The following PTPN11 variants were observed in gnomAD, a reference collection of about 807,000 sequenced individuals.
PTPN11 encodes the protein tyrosine-protein phosphatase non-receptor type 11.
PTPN11 carries 6 observed loss-of-function variants against 78.8 expected under a neutral mutation model. The ratio of observed to expected loss-of-function variants is 0.08; its 90% CI spans 0.04 to 0.15. PTPN11 has a LOEUF of 0.15. Ranked by LOEUF, PTPN11 falls within the 10% of genes least tolerant of loss-of-function variation. The pLI, the probability that PTPN11 is intolerant of heterozygous loss-of-function variation, is 1.00. For missense variants in PTPN11, 386 were observed against 744.8 expected (o/e 0.52, Z 5.61); for synonymous variants, 221 against 263.5 (o/e 0.84, Z 1.56).
At chr12:112,431,263 G>A (rs537354231) in intron 1 of PTPN11, among the ~76,000 whole-genome samples, 1 of 152,334 alleles carries the variant, frequency 6.6e-6, no homozygotes, top group Middle Eastern at 3.4e-3. Flanking sequence ...AGATACGGTG[G>A]TGAAGAAATA....
chr12:112,419,167 C>A, intron 1 of PTPN11, 42 bp downstream of exon 1: 1 of 1,482,930 alleles, frequency 6.7e-7, no homozygotes. Context: ...TCGGCCCGGC[C>A]ACCGCCGCGT....
At chr12:112,454,308 TG>T (rs2038121267) in intron 4 of PTPN11, among the ~76,000 whole-genome samples, 1 of 152,024 alleles carries the variant, frequency 6.6e-6, no homozygotes, top group African/African-American at 2.4e-5. Flanking sequence ...TTAGTGGATA[TG>T]GGGTTTTACC....
intron 6 of PTPN11, among the ~76,000 whole-genome samples, chr12:112,467,089 A>G (rs1314229751): frequency 6.6e-6 from 1 of 152,106 alleles, no homozygotes; most frequent in South Asian, 2.1e-4. Context: ...TTCAGTGGCC[A>G]TAAATGTAAG....
rs2038955238 is a variant in PTPN11, at chr12:112,507,963, G to T, written c.*2171G>T. On this transcript the variant is annotated 3_prime_UTR_variant, in exon 16 of 16. Transcript: ENST00000351677. ...AAAAGATTCCAGTTCAGTATTTGCA[G>T]CAAGAAGCTTGAATGCTGTTCTTTT... The T allele has an allele frequency of 6.6e-6, 1 of 152,648 alleles. No homozygotes were observed. The highest frequency in any genetic ancestry group is 2.4e-5 in the African/African-American group (1 of 41,452). 9.5% of individuals were successfully genotyped at this position (152,648 alleles called of 1,614,324 possible). A position where few individuals can be genotyped will look rare whatever the true frequency, so the allele number is the denominator to read the frequency against.
Position 112,508,322 on chromosome 12 carries a change from G to A in PTPN11, c.*2530G>A, listed in dbSNP as rs2038961143. On this transcript the variant is annotated 3_prime_UTR_variant, in exon 16 of 16. Coordinates refer to ENST00000351677, the MANE Select transcript of PTPN11 (RefSeq NM_002834.5). ...ACGGCTTATCATGTGCTTGGTAAAA[G>A]GTGATCGCAGGTTCTCAGACGAGTT... The A allele has an allele frequency of 6.6e-6, 1 of 152,396 alleles. No individual in the cohort carries two copies. The highest frequency in any genetic ancestry group is 2.4e-5 in the African/African-American group (1 of 41,432). The allele number at this position is 152,396 out of a possible 1,614,324, so 9.4% of individuals were successfully genotyped here. A position where few individuals can be genotyped will look rare whatever the true frequency, so the allele number is the denominator to read the frequency against.
At chr12:112,456,165 C>T in intron 6 of PTPN11, 102 bp downstream of exon 6, 1 of 788,654 alleles carries the variant, frequency 1.3e-6, no homozygotes, top group Non-Finnish European at 2.2e-6. Flanking sequence ...AGACTTGAAA[C>T]TGACGTCCTT....
chr12:112,443,602 C>T (rs1213963618), intron 1 of PTPN11, among the ~76,000 whole-genome samples: 2 of 151,898 alleles, frequency 1.3e-5, no homozygotes, highest in East Asian at 3.9e-4. Context: ...GATCCGCCCG[C>T]CTTGGCCTCC....
chr12:112,446,535 G>T, intron 2 of PTPN11, 137 bp downstream of exon 2: 1 of 1,242,320 alleles, frequency 8.0e-7, no homozygotes, highest in Non-Finnish European at 1.2e-6. Context: ...CAGGGTTTGG[G>T]GAGTGGCCTC....
At chr12:112,425,091 T>G (rs2037595792) in intron 1 of PTPN11, among the ~76,000 whole-genome samples, 1 of 150,898 alleles carries the variant, frequency 6.6e-6, no homozygotes, top group Non-Finnish European at 1.5e-5. Context: ...TGAGCTCAGG[T>G]GATCCACCCG....
chr12:112,487,011 A>G, intron 11 of PTPN11: 1 of 851,454 alleles, frequency 1.2e-6, no homozygotes, highest in Non-Finnish European at 1.5e-6. Flanking sequence ...GTGTGGTGGA[A>G]ATAGGCCTGA....
intron 1 of PTPN11, among the ~76,000 whole-genome samples, chr12:112,425,021 G>T (rs897721691): frequency 1.4e-5 from 2 of 147,700 alleles, no homozygotes; most frequent in African/African-American, 5.0e-5. Context: ...TGTAGAGATG[G>T]GGTTTTGCCA....
At chr12:112,461,242 C>A (rs891032903) in intron 6 of PTPN11, among the ~76,000 whole-genome samples, 1 of 151,800 alleles carries the variant, frequency 6.6e-6, no homozygotes, top group African/African-American at 2.4e-5. Context: ...TTTTATCATT[C>A]TTCTTCATTT....
intron 13 of PTPN11, 56 bp downstream of exon 13, chr12:112,489,231 T>TA (rs1466474612): frequency 1.3e-6 from 2 of 1,597,330 alleles, no homozygotes; most frequent in Non-Finnish European, 1.7e-6. Flanking sequence ...GCCTCTTGGA[T>TA]ACGCTCTCCT....
At chr12:112,449,160 T>A (rs2038039509) in intron 2 of PTPN11, among the ~76,000 whole-genome samples, 1 of 150,026 alleles carries the variant, frequency 6.7e-6, no homozygotes. Flanking sequence ...GTGCTGGGAT[T>A]ACAGACGTGA....
At chr12:112,492,739 G>A (rs1351121081) in intron 13 of PTPN11, among the ~76,000 whole-genome samples, 4 of 152,082 alleles carry the variant, frequency 2.6e-5, no homozygotes, top group Middle Eastern at 6.8e-3. Flanking sequence ...GGATGGTCTT[G>A]ATCTCCTGAC....
intron 6 of PTPN11, among the ~76,000 whole-genome samples, chr12:112,456,570 C>T (rs570568187): frequency 6.6e-6 from 1 of 151,922 alleles, no homozygotes; most frequent in African/African-American, 2.4e-5. Flanking sequence ...AGTGATCTTC[C>T]CATCTCAGCC....
chr12:112,440,253 G>C (rs1008045136), intron 1 of PTPN11, among the ~76,000 whole-genome samples: 1 of 152,086 alleles, frequency 6.6e-6, no homozygotes, highest in African/African-American at 2.4e-5. Context: ...ACGTTTTCCC[G>C]GGTGAAATTC....
intron 2 of PTPN11, among the ~76,000 whole-genome samples, chr12:112,449,508 A>AAAAC (rs1004935735): frequency 2.0e-5 from 3 of 152,034 alleles, no homozygotes; most frequent in Admixed American, 1.3e-4. Context: ...CTCTGTCTCA[A>AAAAC]AAACAAACAA....
chr12:112,433,614 T>G (rs2037745810), intron 1 of PTPN11, among the ~76,000 whole-genome samples: 1 of 152,206 alleles, frequency 6.6e-6, no homozygotes, highest in African/African-American at 2.4e-5. Context: ...GGTTAGATTA[T>G]GGATGGCACA....
Sources: allele counts gnomAD v4.1 joint callset (sites outside exome capture counted in the v4.1 genomes callset), GRCh38; gene constraint gnomAD v4.1.1; transcripts MANE v1.5; gene names NCBI Gene and HGNC (gene_info 2026-07-23, HGNC 2026-07-21).